The following MYL10 variants were observed in gnomAD, a reference collection of about 807,000 sequenced individuals.
MYL10 encodes the protein myosin regulatory light chain 10.
A neutral mutation model predicts 21.9 loss-of-function variants in MYL10; 18 were observed. The observed-to-expected ratio is 0.82, with a 90% CI of 0.57 to 1.22. MYL10 has a LOEUF of 1.22. Ranked by LOEUF, MYL10 falls within the 50% of genes most tolerant of loss-of-function variation. The pLI, the probability that MYL10 is intolerant of heterozygous loss-of-function variation, is 0.00. For missense variants in MYL10, 225 were observed against 230.4 expected (o/e 0.98, Z 0.15); for synonymous variants, 88 against 82.8 (o/e 1.06, Z -0.34).
In MYL10 at chr7:101,616,269, C is replaced by G; in HGVS notation, c.484G>C (p.Ala162Pro). The change falls in exon 6 of 8, where the codon GCC (alanine) becomes CCC (proline). Residue 162 changes from alanine to proline, a missense_variant. By Grantham distance (27) the Ala-to-Pro change is conservative. Transcript: ENST00000223167. ...CCTTCAGTGTCGAACACTTTGAAGGCGTGGAGAATGGTCTCCTCTGGGTCC... is the reference window on the plus strand; with the variant it reads ...CCTTCAGTGTCGAACACTTTGAAGGGGTGGAGAATGGTCTCCTCTGGGTCC... ...GTDPEETILH[A>P]FKVFDTEGKG... 1 of 1,614,144 alleles carries G rather than the reference C, an allele frequency of 6.2e-7. No homozygotes were observed. The highest frequency in any genetic ancestry group is 8.5e-7 in the Non-Finnish European group (1 of 1,180,004).
chr7:101,624,113 G>T, intron 2 of MYL10, 59 bp downstream of exon 2: 2 of 1,040,432 alleles, frequency 1.9e-6, no homozygotes, highest in South Asian at 2.6e-5. Flanking sequence ...CCAGCTCCTT[G>T]AGCAACTGGC....
At chr7:101,618,746 T>C (rs972313044) in intron 5 of MYL10, among the ~76,000 whole-genome samples, 10 of 151,634 alleles carry the variant, frequency 6.6e-5, no homozygotes, top group African/African-American at 2.2e-4. Context: ...TCTCACGCAG[T>C]CTGGCCACGT....
intron 1 of MYL10, among the ~76,000 whole-genome samples, chr7:101,628,003 G>A (rs1480302473): frequency 2.6e-5 from 4 of 152,180 alleles, no homozygotes; most frequent in Admixed American, 1.3e-4. Context: ...TGAAACCCCC[G>A]GTCTGCTTAT....
rs1430044566 is a variant in MYL10, at chr7:101,629,108, C to T, written c.11G>A (p.Arg4Lys). The change falls in exon 1 of 8, where the codon AGG becomes AAG. Residue 4 changes from arginine to lysine, a missense_variant. Arg to Lys is a conservative substitution (Grantham distance 26). Transcript: ENST00000223167. MLLRLVSNSWPQVI... is the reference protein window; with the variant it reads MLLKLVSNSWPQVI... ...TTGAGGCCAGGAGTTTGAGACCAGC[C>T]TAAGCAACATGGTGAAACTCTGTTT... is the stretch of plus-strand genomic sequence containing the variant. 2 of 374,124 alleles carry T rather than the reference C, an allele frequency of 5.3e-6. No individual in the cohort carries two copies. Among genetic ancestry groups the T allele is most frequent in the Non-Finnish European group, 1.1e-5 (2 of 190,342 alleles). 23.2% of individuals were successfully genotyped at this position (374,124 alleles called of 1,614,324 possible).
intron 1 of MYL10, among the ~76,000 whole-genome samples, chr7:101,625,294 C>A (rs1222280005): frequency 2.0e-5 from 3 of 152,214 alleles, no homozygotes; most frequent in Non-Finnish European, 4.4e-5. Context: ...CCTCAAGAGT[C>A]CTGTTCCTGG....
rs770603802 is a variant in MYL10, at chr7:101,622,111, C to T, written c.439G>A (p.Gly147Arg). The T allele has an allele frequency of 1.2e-6, 2 of 1,613,810 alleles. No individual in the cohort carries two copies. Among genetic ancestry groups the T allele is most frequent in the Middle Eastern group, 1.7e-4 (1 of 6,058 alleles). The part of the protein sequence containing the change: ...INFTVFLTMF[G>R]EKLKGTDPEE... ...CCTGGCTCACCCTTCAGCTTCTCCC[C>T]AAACATGGTCAGGAACACCGTGAAG... Residue 147 changes from glycine (G) to arginine (R), a missense_variant, in exon 5 of 8, where the codon GGG becomes AGG. Coordinates refer to ENST00000223167, the MANE Select transcript of MYL10 (RefSeq NM_138403.5).
intron 1 of MYL10, 35 bp from the exon 2 acceptor site, chr7:101,624,299 C>T: frequency 6.4e-7 from 1 of 1,565,410 alleles, no homozygotes; most frequent in Non-Finnish European, 8.8e-7. Context: ...GCAGCGGCCC[C>T]TGCCTCGAGG....
At chr7:101,616,107 G>A (rs561895707) in intron 6 of MYL10, 113 bp downstream of exon 6, 15 of 791,466 alleles carry the variant, frequency 1.9e-5, no homozygotes, top group African/African-American at 8.4e-5. Flanking sequence ...GCTGGGCAGC[G>A]GCCCCCCAGC....
At chr7:101,620,444 C>CGGAT (rs1562824811) in intron 5 of MYL10, among the ~76,000 whole-genome samples, 1 of 152,162 alleles carries the variant, frequency 6.6e-6, no homozygotes, top group Non-Finnish European at 1.5e-5. Flanking sequence ...GGAGAGACAA[C>CGGAT]GGATTCTCCC....
Position 101,624,163 on chromosome 7 carries a change from C to A in MYL10, c.171+9G>T, listed in dbSNP as rs373469644. 11 of 1,588,730 alleles carry A rather than the reference C, an allele frequency of 6.9e-6. No individual in the cohort carries two copies. The African/African-American group carries it at 1.5e-4, about 21-fold the overall frequency. Reference sequence around the variant, plus strand: ...TCCTCATAACAGCCCCATGGGGCAGCAGACCAACCTCTTTAAACTCCTGGA... The same window carrying A: ...TCCTCATAACAGCCCCATGGGGCAGAAGACCAACCTCTTTAAACTCCTGGA... On this transcript the variant is annotated intron_variant, in intron 2 of 7. Coordinates refer to ENST00000223167, the MANE Select transcript of MYL10 (RefSeq NM_138403.5).
At chr7:101,628,769 G>A (rs1405867392) in intron 1 of MYL10, among the ~76,000 whole-genome samples, 1 of 152,248 alleles carries the variant, frequency 6.6e-6, no homozygotes, top group African/African-American at 2.4e-5. Context: ...GTCCCCAGGG[G>A]CTGGAGAGCT....
chr7:101,621,419 C>G (rs987859941), intron 5 of MYL10, among the ~76,000 whole-genome samples: 1 of 152,010 alleles, frequency 6.6e-6, no homozygotes, highest in South Asian at 2.1e-4. Context: ...GCACAGGGGT[C>G]GACCACAGCA....
chr7:101,621,971 G>A (rs1479582435), intron 5 of MYL10, 125 bp downstream of exon 5: 2 of 689,364 alleles, frequency 2.9e-6, no homozygotes, highest in Admixed American at 2.7e-5. Context: ...GCACCTGGGG[G>A]CTGGTGTCTG....
chr7:101,619,628 G>A (rs1239143684), intron 5 of MYL10, among the ~76,000 whole-genome samples: 1 of 152,098 alleles, frequency 6.6e-6, no homozygotes, highest in African/African-American at 2.4e-5. Context: ...GGTGGCTTAC[G>A]CCTGTAATCC....
At chr7:101,615,998 C>T (rs1796605183) in intron 6 of MYL10, among the ~76,000 whole-genome samples, 1 of 152,144 alleles carries the variant, frequency 6.6e-6, no homozygotes, top group Non-Finnish European at 1.5e-5. Flanking sequence ...CGCGCCCAGC[C>T]TGACCCACCA....
Position 101,623,084 on chromosome 7 carries a change from A to C in MYL10, c.274-12T>G, listed in dbSNP as rs1796700476. The C allele has an allele frequency of 6.2e-7, 1 of 1,612,994 alleles. No individual in the cohort carries two copies. The highest frequency in any genetic ancestry group is 8.5e-7 in the Non-Finnish European group (1 of 1,179,584). On this transcript the variant is annotated splice_polypyrimidine_tract_variant and intron_variant, in intron 3 of 7. Transcript: ENST00000223167. ...ATGATGGTGAAAGCCTGGCAGAGAC[A>C]CAGGTGCTAAGTAGTCACCTGCCCT...
chr7:101,623,694 CAAAAAAAA>C (rs11337754), intron 3 of MYL10, among the ~76,000 whole-genome samples: 1 of 66,562 alleles, frequency 1.5e-5, no homozygotes, highest in Admixed American at 1.9e-4. Context: ...GACCCTGTCT[CAAAAAAAA>C]AAAAAAAAAA....
intron 5 of MYL10, among the ~76,000 whole-genome samples, chr7:101,616,996 G>A (rs1039487177): frequency 6.6e-5 from 10 of 152,362 alleles, no homozygotes; most frequent in South Asian, 4.1e-4. Flanking sequence ...GGGATTGAAT[G>A]TGCAGCCCCC....
In MYL10 at chr7:101,619,825, G is replaced by A. The variant is rs192630426; in HGVS notation, c.454+2271C>T. On this transcript the variant is annotated intron_variant, in intron 5 of 7. Coordinates refer to ENST00000223167, the MANE Select transcript of MYL10 (RefSeq NM_138403.5). ...GAATGGCGTGAACCCGGGAGGCATA[G>A]CTTGCAGTAAGCCAAGATCACACCA... is the stretch of plus-strand genomic sequence containing the variant. 4.3e-5 allele frequency among the ~76,000 whole-genome samples: 6 copies of A among 140,666 alleles called. No individual in the cohort carries two copies. In the East Asian group the frequency reaches 1.3e-3, roughly 29 times the overall value. The allele number at this position is 140,666 out of a possible 152,430, so 92.3% of individuals were successfully genotyped here. A position where few individuals can be genotyped will look rare whatever the true frequency, so the allele number is the denominator to read the frequency against.
Sources: gnomAD v4.1 joint callset for allele counts (sites outside exome capture counted in the v4.1 genomes callset) on GRCh38, gnomAD v4.1.1 for gene constraint, MANE v1.5 for transcripts, NCBI Gene and HGNC (gene_info 2026-07-23, HGNC 2026-07-21) for gene names.